Variants in CDH12 observed in about 807,000 individuals in gnomAD.
CDH12 encodes the protein cadherin 12.
CDH12 carries 41 observed loss-of-function variants against 74.1 expected under a neutral mutation model. The ratio of observed to expected loss-of-function variants is 0.55; its 90% CI spans 0.43 to 0.72. The LOEUF is 0.72. CDH12 is among the 30% of genes least tolerant of loss of function. The pLI is 0.00. For missense variants in CDH12, 945 were observed against 977.2 expected, an observed-to-expected ratio of 0.97 and a Z score of 0.44; for synonymous variants, 399 against 355.0, an observed-to-expected ratio of 1.12 and a Z score of -1.39.
chr5:22,719,038 G>T (rs1162340013), intron 1 of CDH12, among the ~76,000 whole-genome samples: 1 of 152,162 alleles, frequency 6.6e-6, no homozygotes, highest in Non-Finnish European at 1.5e-5. Flanking sequence ...CCCGATGGTG[G>T]TTGTGAGGAG....
chr5:22,547,115 G>C (rs531720277), intron 1 of CDH12, among the ~76,000 whole-genome samples: 1 of 152,158 alleles, frequency 6.6e-6, no homozygotes, highest in African/African-American at 2.4e-5. Flanking sequence ...CCTAAAGAAA[G>C]TTCATCTCAG....
At chr5:22,530,736 A>T (rs1300308744) in intron 1 of CDH12, among the ~76,000 whole-genome samples, 1 of 152,120 alleles carries the variant, frequency 6.6e-6, no homozygotes, top group Non-Finnish European at 1.5e-5. Flanking sequence ...TAGTTGTACA[A>T]GTAAATAATA....
chr5:22,515,962 T>C (rs1038636986), intron 1 of CDH12, among the ~76,000 whole-genome samples: 1 of 152,060 alleles, frequency 6.6e-6, no homozygotes, highest in African/African-American at 2.4e-5. Context: ...TATGAAGCAA[T>C]TGTACAATAC....
chr5:22,113,817 C>T (rs1436549720), intron 4 of CDH12, among the ~76,000 whole-genome samples: 1 of 152,098 alleles, frequency 6.6e-6, no homozygotes, highest in African/African-American at 2.4e-5. Context: ...TTCCTCTTTG[C>T]TTTATTATAA....
intron 1 of CDH12, among the ~76,000 whole-genome samples, chr5:22,794,664 A>G (rs753320893): frequency 6.6e-6 from 1 of 152,242 alleles, no homozygotes; most frequent in African/African-American, 2.4e-5. Context: ...ACAAAGGAAT[A>G]GTAGACTGAA....
intron 9 of CDH12, among the ~76,000 whole-genome samples, chr5:21,815,638 C>T (rs1371424992): frequency 6.6e-6 from 1 of 152,094 alleles, no homozygotes; most frequent in East Asian, 1.9e-4. Context: ...CTCTCTCTCT[C>T]GGTTTCTTGG....
At chr5:22,246,796 TA>T (rs1752960520) in intron 3 of CDH12, among the ~76,000 whole-genome samples, 1 of 152,170 alleles carries the variant, frequency 6.6e-6, no homozygotes, top group Admixed American at 6.5e-5. Context: ...TTTCAAGATG[TA>T]GTTACTTTTA....
chr5:22,504,946 G>GT (rs1736322978), intron 2 of CDH12, among the ~76,000 whole-genome samples: 1 of 151,892 alleles, frequency 6.6e-6, no homozygotes, highest in Admixed American at 6.6e-5. Flanking sequence ...ATCACTTTCT[G>GT]TTTTTAGGAG....
chr5:22,602,186 G>A (rs917740543), intron 1 of CDH12, among the ~76,000 whole-genome samples: 3 of 152,024 alleles, frequency 2.0e-5, no homozygotes, highest in Admixed American at 6.6e-5. Flanking sequence ...GTAAAAGGGC[G>A]AGACTTCTCT....
chr5:22,779,664 C>G (rs898032782), intron 1 of CDH12, among the ~76,000 whole-genome samples: 1 of 152,088 alleles, frequency 6.6e-6, no homozygotes, highest in African/African-American at 2.4e-5. Context: ...CTCATGAGAT[C>G]TGATGATTTT....
At chr5:22,663,319 A>G (rs1453438310) in intron 1 of CDH12, among the ~76,000 whole-genome samples, 1 of 152,168 alleles carries the variant, frequency 6.6e-6, no homozygotes, top group African/African-American at 2.4e-5. Flanking sequence ...GAGGAGGACT[A>G]CCTTAGTATT....
chr5:22,036,273 A>G (rs1256392873), intron 5 of CDH12, among the ~76,000 whole-genome samples: 1 of 152,180 alleles, frequency 6.6e-6, no homozygotes, highest in African/African-American at 2.4e-5. Flanking sequence ...GTGAAATGCT[A>G]AAGAGGAAAG....
chr5:22,772,907 G>A (rs150378780), intron 1 of CDH12, among the ~76,000 whole-genome samples: 22 of 151,956 alleles, frequency 1.4e-4, no homozygotes, highest in African/African-American at 4.8e-4. Flanking sequence ...ATATACAATA[G>A]CTACAAAAAA....
chr5:22,669,456 T>C (rs1740793370), intron 1 of CDH12, among the ~76,000 whole-genome samples: 1 of 152,132 alleles, frequency 6.6e-6, no homozygotes, highest in Non-Finnish European at 1.5e-5. Flanking sequence ...CTCCCCTTCT[T>C]GCTTAATAAG....
chr5:22,761,954 C>CAA lies in CDH12; in HGVS notation c.-523+91102_-523+91103dup, dbSNP rs1377700181. ...AAACACACACACACACACACACACA[C>CAA]AATCACACACATAACCTAGTGTTAT... On this transcript the variant is annotated intron_variant, in intron 1 of 14. Transcript: ENST00000382254. Among the ~76,000 whole-genome samples the CAA allele has an allele frequency of 3.4e-4, 51 of 151,470 alleles. 1 individual carries two copies. The highest frequency in any genetic ancestry group is 6.9e-4 in the Non-Finnish European group (47 of 67,878).
chr5:22,575,486 G>A (rs1457173795), intron 1 of CDH12, among the ~76,000 whole-genome samples: 1 of 151,852 alleles, frequency 6.6e-6, no homozygotes, highest in African/African-American at 2.4e-5. Context: ...TCCATCTCCT[G>A]TGCTCAAGCA....
chr5:21,993,115 G>T (rs553154542), intron 5 of CDH12, among the ~76,000 whole-genome samples: 600 of 152,224 alleles, frequency 3.9e-3, no homozygotes, highest in African/African-American at 0.014. Flanking sequence ...CCAACATGTG[G>T]ATATTACAAT....
intron 1 of CDH12, chr5:22,580,385 C>T (rs1422367112): frequency 2.1e-6 from 1 of 482,116 alleles, no homozygotes; most frequent in Admixed American, 2.2e-5. Context: ...GCACGTGGTC[C>T]CCATCGTAGG....
At chr5:22,848,221 G>A (rs1405458201) in intron 1 of CDH12, among the ~76,000 whole-genome samples, 1 of 152,136 alleles carries the variant, frequency 6.6e-6, no homozygotes, top group Non-Finnish European at 1.5e-5. Flanking sequence ...TCATCACAAT[G>A]TAAACTTACT....
Sources: allele counts gnomAD v4.1 joint callset (sites outside exome capture counted in the v4.1 genomes callset), GRCh38; gene constraint gnomAD v4.1.1; transcripts MANE v1.5; gene names NCBI Gene and HGNC (gene_info 2026-07-23, HGNC 2026-07-21).